BFSP1: variants seen among roughly 807,000 people sequenced by gnomAD.
BFSP1 encodes the protein filensin.
BFSP1 carries 38 observed loss-of-function variants against 43.9 expected under a neutral mutation model. The ratio of observed to expected loss-of-function variants is 0.87; its 90% CI spans 0.67 to 1.14. The LOEUF is 1.14. BFSP1 is among the 50% of genes most tolerant of loss of function. BFSP1 has a pLI of 0.00. For missense variants in BFSP1, 850 were observed against 875.1 expected, an observed-to-expected ratio of 0.97 and a Z score of 0.36; for synonymous variants, 352 against 354.8, an observed-to-expected ratio of 0.99 and a Z score of 0.09.
chr20:17,544,531 A>G (rs907722939), intron 1 of BFSP1, among the ~76,000 whole-genome samples: 3 of 152,220 alleles, frequency 2.0e-5, no homozygotes, highest in Non-Finnish European at 2.9e-5. Context: ...TCTAGAGATA[A>G]TAATGTAACA....
upstream of BFSP1, chr20:17,562,974 C>CT (rs1162429611): frequency 6.6e-6 from 1 of 152,184 alleles, no homozygotes; most frequent in Non-Finnish European, 1.5e-5. Context: ...CAAGACATAC[C>CT]TCATTTCTCT....
At chr20:17,511,731 T>C (rs536416500) in intron 4 of BFSP1, among the ~76,000 whole-genome samples, 1 of 144,478 alleles carries the variant, frequency 6.9e-6, no homozygotes, top group East Asian at 1.9e-4. Context: ...AGCTCATAAT[T>C]CTCAAGAGAA....
chr20:17,561,650 T>C (rs1474737575), upstream of BFSP1, among the ~76,000 whole-genome samples: 3 of 152,226 alleles, frequency 2.0e-5, no homozygotes, highest in African/African-American at 7.2e-5. Context: ...AAATGCTATA[T>C]TTTATAAAGT....
At chr20:17,505,611 G>A (rs1234691388) in intron 5 of BFSP1, among the ~76,000 whole-genome samples, 1 of 152,238 alleles carries the variant, frequency 6.6e-6, no homozygotes, top group Non-Finnish European at 1.5e-5. Flanking sequence ...TGCTACATTG[G>A]GAAGCCACTA....
chr20:17,511,348 C>T (rs775166966), intron 4 of BFSP1, among the ~76,000 whole-genome samples: 2 of 152,158 alleles, frequency 1.3e-5, no homozygotes, highest in East Asian at 1.9e-4. Flanking sequence ...AGCAGAGCTC[C>T]GTCTTGGAAA....
chr20:17,540,148 AAAG>A (rs1470188046), intron 1 of BFSP1, among the ~76,000 whole-genome samples: 1 of 152,298 alleles, frequency 6.6e-6, no homozygotes, highest in East Asian at 1.9e-4. Context: ...GCCAAAATTC[AAAG>A]AATGACCTAT....
intron 3 of BFSP1, among the ~76,000 whole-genome samples, chr20:17,514,256 C>T (rs2034149942): frequency 6.6e-6 from 1 of 152,182 alleles, no homozygotes; most frequent in Non-Finnish European, 1.5e-5. Context: ...TTCAATTATG[C>T]CAGGGCCCCC....
intron 1 of BFSP1, among the ~76,000 whole-genome samples, chr20:17,550,325 G>C (rs529316484): frequency 3.9e-5 from 6 of 152,168 alleles, no homozygotes; most frequent in East Asian, 3.9e-4. Flanking sequence ...CTTATATAGG[G>C]TCTTACCTAT....
At chr20:17,552,047 C>T (rs2123583346) in intron 1 of BFSP1, among the ~76,000 whole-genome samples, 1 of 151,916 alleles carries the variant, frequency 6.6e-6, no homozygotes, top group South Asian at 2.1e-4. Flanking sequence ...AGCTTATATT[C>T]AATTGGAGAA....
intron 1 of BFSP1, among the ~76,000 whole-genome samples, chr20:17,545,610 CTT>C (rs552307624): frequency 7.5e-4 from 115 of 152,358 alleles, no homozygotes; most frequent in African/African-American, 2.6e-3. Flanking sequence ...GAGGCACACT[CTT>C]TTCCAGTCAC....
intron 1 of BFSP1, among the ~76,000 whole-genome samples, chr20:17,537,535 T>C (rs543432860): frequency 3.1e-4 from 47 of 151,080 alleles, no homozygotes; most frequent in Non-Finnish European, 6.0e-4. Context: ...TCCAACCTGC[T>C]TTTCTCAGGG....
Position 17,517,372 on chromosome 20 carries a change from T to C in BFSP1, c.439-2556A>G, listed in dbSNP as rs915758929. On this transcript the variant is annotated intron_variant, in intron 2 of 7. Transcript: ENST00000377873. ...AAACAAAACAAACAAACAAACAAAA[T>C]CATTTCCTTTTGCGTTTCCTCCTGC... is the stretch of plus-strand genomic sequence containing the variant. The C allele has an allele frequency of 7.6e-6, 7 of 921,682 alleles. No homozygotes were observed. The African/African-American group carries it at 9.7e-5, about 13-fold the overall frequency. 57.1% of individuals were successfully genotyped at this position (921,682 alleles called of 1,614,324 possible). A position where few individuals can be genotyped will look rare whatever the true frequency, so the allele number is the denominator to read the frequency against.
intron 7 of BFSP1, among the ~76,000 whole-genome samples, chr20:17,496,608 A>T (rs1217221632): frequency 6.6e-6 from 1 of 152,200 alleles, no homozygotes; most frequent in Non-Finnish European, 1.5e-5. Flanking sequence ...ATTGAGTTGT[A>T]CTTTTTGCCC....
At chr20:17,562,775 A>G (rs2035079123), upstream of BFSP1, among the ~76,000 whole-genome samples, 1 of 152,216 alleles carries the variant, frequency 6.6e-6, no homozygotes, top group Non-Finnish European at 1.5e-5. Context: ...ACCATGTGGT[A>G]CTGTATCCTT....
At chr20:17,558,779 T>C (rs1050813293) in exon 1 of BFSP1, 46 of 1,538,170 alleles carry the variant, frequency 3.0e-5, no homozygotes, top group Non-Finnish European at 4.0e-5. Flanking sequence ...TGAGGTACCC[T>C]GCCTACCCAG....
At chr20:17,543,193 G>C (rs1240051154) in intron 1 of BFSP1, among the ~76,000 whole-genome samples, 1 of 152,196 alleles carries the variant, frequency 6.6e-6, no homozygotes, top group Non-Finnish European at 1.5e-5. Context: ...CAAATCATTT[G>C]TTTCATTCTT....
upstream of BFSP1, among the ~76,000 whole-genome samples, chr20:17,561,536 A>G (rs2035067198): frequency 6.6e-6 from 1 of 152,228 alleles, no homozygotes; most frequent in Non-Finnish European, 1.5e-5. Flanking sequence ...TGCTTATGAA[A>G]AATGGAAGAC....
chr20:17,536,525 C>G (rs2034631157), intron 1 of BFSP1, among the ~76,000 whole-genome samples: 1 of 152,136 alleles, frequency 6.6e-6, no homozygotes, highest in South Asian at 2.1e-4. Flanking sequence ...GAATGAGACC[C>G]TGTCTCAAAA....
chr20:17,534,795 G>T (rs977999064), upstream of BFSP1, among the ~76,000 whole-genome samples: 35 of 152,258 alleles, frequency 2.3e-4, 1 homozygote, highest in Admixed American at 2.0e-3. Context: ...GAGGTGGGTG[G>T]ATCATCTGAG....
Sources: allele counts gnomAD v4.1 joint callset (sites outside exome capture counted in the v4.1 genomes callset), GRCh38; gene constraint gnomAD v4.1.1; transcripts MANE v1.5; gene names NCBI Gene and HGNC (gene_info 2026-07-23, HGNC 2026-07-21).